Variants in ALMS1 observed in about 807,000 individuals in gnomAD.
The protein encoded by ALMS1 is ALMS1 centrosome and basal body associated protein.
ALMS1 carries 271 observed loss-of-function variants against 352.2 expected under a neutral mutation model. That is an observed-to-expected ratio of 0.77 (90% confidence interval 0.70 to 0.85). The LOEUF is 0.85. Ranked by LOEUF, ALMS1 falls within the 40% of genes least tolerant of loss-of-function variation. ALMS1 has a pLI of 0.00. For missense variants in ALMS1, 5,445 were observed against 4,870.7 expected (o/e 1.12, Z -3.51); for synonymous variants, 1,865 against 1,761.2 (o/e 1.06, Z -1.48).
chr2:73,535,867 A>C (rs1398994526), intron 12 of ALMS1, among the ~76,000 whole-genome samples: 1 of 152,198 alleles, frequency 6.6e-6, no homozygotes, highest in East Asian at 1.9e-4. Context: ...TATAAATGTC[A>C]TTATATATAT....
At chr2:73,603,361 CGGGAGCT>C in intron 21 of ALMS1, 57 bp downstream of exon 21, 2 of 1,528,728 alleles carry the variant, frequency 1.3e-6, no homozygotes, top group Non-Finnish European at 1.8e-6. Context: ...ACCAAGTGGT[CGGGAGCT>C]CTGGCTTGCA....
intron 9 of ALMS1, among the ~76,000 whole-genome samples, chr2:73,486,178 A>G (rs1478233196): frequency 1.3e-5 from 2 of 151,704 alleles, no homozygotes; most frequent in African/African-American, 4.8e-5. Flanking sequence ...GTTAGTATAT[A>G]TGTTAGATGT....
At chr2:73,414,495 T>G (rs558841646) in intron 2 of ALMS1, among the ~76,000 whole-genome samples, 4 of 148,198 alleles carry the variant, frequency 2.7e-5, no homozygotes, top group African/African-American at 4.9e-5. Context: ...TTTTGTTTTT[T>G]TTTTGCTTTA....
At chr2:73,519,679 C>G in intron 10 of ALMS1, 96 bp from the exon 11 acceptor site, 1 of 1,503,560 alleles carries the variant, frequency 6.7e-7, no homozygotes, top group Non-Finnish European at 9.2e-7. Context: ...ATTCCTATAG[C>G]TACTTAAATA....
intron 9 of ALMS1, among the ~76,000 whole-genome samples, chr2:73,461,623 T>G (rs561055434): frequency 6.6e-6 from 1 of 152,302 alleles, no homozygotes; most frequent in East Asian, 1.9e-4. Flanking sequence ...TTTGAAGAGT[T>G]GAGAGAAGAA....
rs1010574303 is a variant in ALMS1, at chr2:73,600,572, G to A, written c.11669-106G>A. The A allele has an allele frequency of 1.1e-5, 11 of 1,042,438 alleles. 1 individual carries two copies. In the African/African-American group the frequency reaches 1.8e-4, roughly 17 times the overall value. 64.6% of individuals were successfully genotyped at this position (1,042,438 alleles called of 1,614,324 possible). On this transcript the variant is annotated intron_variant, in intron 17 of 22. Transcript: ENST00000613296. ...CGCATCCCTCCATCCCACACAAAGG[G>A]ATTGTATTTTTGAAACATTAAAAAG...
In ALMS1 at chr2:73,572,292, C is replaced by A. The variant is rs753560500; in HGVS notation, c.10415C>A (p.Thr3472Asn). The change falls in exon 16 of 23, where the codon ACT (threonine) becomes AAT (asparagine). Residue 3472 changes from threonine to asparagine, a missense_variant. Transcript: ENST00000613296. ...GAATGTCATTCAGAATTTGAAAATACTACCCGTTCTGTCTTCAGGTCAGCA... is the reference window on the plus strand; with the variant it reads ...GAATGTCATTCAGAATTTGAAAATAATACCCGTTCTGTCTTCAGGTCAGCA... ...ESECHSEFEN[T>N]TRSVFRSAKF... 6 of 1,608,234 alleles carry A rather than the reference C, an allele frequency of 3.7e-6. No individual in the cohort carries two copies. The highest frequency in any genetic ancestry group is 5.1e-6 in the Non-Finnish European group (6 of 1,178,310).
intron 16 of ALMS1, among the ~76,000 whole-genome samples, chr2:73,597,391 C>G (rs540549120): frequency 5.9e-5 from 9 of 152,100 alleles, no homozygotes; most frequent in Admixed American, 5.9e-4. Flanking sequence ...TTACCTCTTC[C>G]TTTCAATCTG....
intron 2 of ALMS1, 89 bp from the exon 3 acceptor site, chr2:73,419,034 A>T (rs1439614296): frequency 9.2e-7 from 1 of 1,092,274 alleles, no homozygotes; most frequent in East Asian, 2.5e-5. Flanking sequence ...GAAGCTATAT[A>T]ATACATGAGT....
intron 10 of ALMS1, among the ~76,000 whole-genome samples, chr2:73,495,218 T>C (rs1294162279): frequency 6.6e-6 from 1 of 152,044 alleles, no homozygotes; most frequent in Non-Finnish European, 1.5e-5. Flanking sequence ...ATCCCTCTTT[T>C]TATTGTTGTT....
rs1675686732 is a variant in ALMS1, at chr2:73,601,453, T to C, written c.12114+17T>C. The C allele has an allele frequency of 1.2e-6, 2 of 1,613,336 alleles. No homozygotes were observed. The highest frequency in any genetic ancestry group is 1.7e-6 in the Non-Finnish European group (2 of 1,179,528). On this transcript the variant is annotated intron_variant, in intron 19 of 22. Transcript: ENST00000613296. ...ACCCTTCAGGTGCAGTGACGTTGAC[T>C]TAACTTTAATGCTACGTGTAGGGAG...
chr2:73,430,224 C>A (rs1671472173), intron 6 of ALMS1, among the ~76,000 whole-genome samples: 1 of 151,798 alleles, frequency 6.6e-6, no homozygotes, highest in East Asian at 1.9e-4. Flanking sequence ...CTACAGGTGC[C>A]CGCCCCCATG....
In ALMS1 at chr2:73,419,143, T is replaced by C. The variant is rs367648094; in HGVS notation, c.471T>C (p.Cys157=). The part of the protein sequence containing the change: ...GDDQKTESWH[C]LPQEMDSSQT... ...TCTAGAAAACAGAATCTTGGCATTGTCTTCCTCAAGAAATGGACTCTTCCC... is the reference window on the plus strand; with the variant it reads ...TCTAGAAAACAGAATCTTGGCATTGCCTTCCTCAAGAAATGGACTCTTCCC... The change falls in exon 3 of 23, where the codon TGT becomes TGC. Residue 157 remains cysteine (C), a synonymous_variant. Transcript: ENST00000613296. 1.4e-4 allele frequency: 228 copies of C among 1,614,006 alleles called. 2 individuals are homozygous for C. The highest frequency in any genetic ancestry group is 4.2e-4 in the East Asian group (19 of 44,866).
intron 12 of ALMS1, among the ~76,000 whole-genome samples, chr2:73,539,299 T>TCC (rs1325061176): frequency 1.3e-5 from 2 of 151,964 alleles, no homozygotes; most frequent in Non-Finnish European, 2.9e-5. Flanking sequence ...TCCAGCAAAC[T>TCC]CCAACAGACC....
At chr2:73,429,607 G>A (rs1047508422) in intron 6 of ALMS1, among the ~76,000 whole-genome samples, 4 of 152,008 alleles carry the variant, frequency 2.6e-5, no homozygotes, top group Non-Finnish European at 5.9e-5. Flanking sequence ...AGTACCTCTT[G>A]TTTTGGCCAT....
At chr2:73,544,032 T>C (rs558397310) in intron 12 of ALMS1, among the ~76,000 whole-genome samples, 6 of 152,290 alleles carry the variant, frequency 3.9e-5, no homozygotes, top group East Asian at 1.9e-4. Flanking sequence ...ACCCAAAGGA[T>C]TATAAATCAT....
In ALMS1 at chr2:73,609,516, C is replaced by A. The variant is rs1484115741; in HGVS notation, c.12463-52C>A. Reference sequence around the variant, plus strand: ...GGATGCAGGGAGGAGAGGCATCTGCCTCTGATGGCAGTAATATCTAACTTC... The same window carrying A: ...GGATGCAGGGAGGAGAGGCATCTGCATCTGATGGCAGTAATATCTAACTTC... On this transcript the variant is annotated intron_variant, in intron 22 of 22. Transcript: ENST00000613296. The A allele has an allele frequency of 6.4e-6, 10 of 1,568,878 alleles. No homozygotes were observed. In the Admixed American group the frequency reaches 1.5e-4, roughly 24 times the overall value.
chr2:73,414,405 A>G (rs1387492332), intron 2 of ALMS1, among the ~76,000 whole-genome samples: 1 of 148,784 alleles, frequency 6.7e-6, no homozygotes, highest in Non-Finnish European at 1.5e-5. Context: ...TTAGGACTTT[A>G]TATGCAGAGT....
At chr2:73,408,541 G>T in intron 1 of ALMS1, 81 bp from the exon 2 acceptor site, 6 of 1,459,254 alleles carry the variant, frequency 4.1e-6, no homozygotes, top group Middle Eastern at 1.8e-4. Context: ...TGGGAAGTAT[G>T]GTCTAAATAT....
Sources: gnomAD v4.1 joint callset for allele counts (sites outside exome capture counted in the v4.1 genomes callset) on GRCh38, gnomAD v4.1.1 for gene constraint, MANE v1.5 for transcripts, NCBI Gene and HGNC (gene_info 2026-07-23, HGNC 2026-07-21) for gene names.